The following ZNF710 variants were observed in gnomAD, a reference collection of about 807,000 sequenced individuals.
ZNF710 encodes zinc finger protein 710.
A neutral mutation model predicts 50.6 loss-of-function variants in ZNF710; 13 were observed. The observed-to-expected ratio is 0.26, with a 90% CI of 0.17 to 0.41. ZNF710 has a LOEUF of 0.41. ZNF710 is among the 10% of genes least tolerant of loss of function. The pLI is 1.00. For missense variants in ZNF710, 721 were observed against 936.6 expected (o/e 0.77, Z 3.01); for synonymous variants, 383 against 397.0 (o/e 0.96, Z 0.42).
chr15:90,010,921 GT>G (rs1375688951), intron 1 of ZNF710, among the ~76,000 whole-genome samples: 1 of 122,808 alleles, frequency 8.1e-6, no homozygotes, highest in Non-Finnish European at 1.6e-5. Context: ...ATTGTTGTTG[GT>G]TTTTTGTTTT....
intron 1 of ZNF710, among the ~76,000 whole-genome samples, chr15:90,003,455 T>G (rs77596332): frequency 0.024 from 3,635 of 152,228 alleles, 70 homozygotes; most frequent in Non-Finnish European, 0.034. Flanking sequence ...AGTCCTGCAT[T>G]TGTACACGTG....
At chr15:90,044,998 T>C (rs962844211) in intron 1 of ZNF710, among the ~76,000 whole-genome samples, 8 of 152,158 alleles carry the variant, frequency 5.3e-5, no homozygotes, top group Non-Finnish European at 8.8e-5. Context: ...AGAGTGCCTT[T>C]CTTCTGTTAG....
chr15:90,050,741 G>A (rs549687633), intron 1 of ZNF710, among the ~76,000 whole-genome samples: 49 of 152,180 alleles, frequency 3.2e-4, no homozygotes, highest in African/African-American at 1.2e-3. Context: ...CATTTATATG[G>A]AAGAACATTC....
intron 1 of ZNF710, among the ~76,000 whole-genome samples, chr15:90,030,994 G>A (rs867704165): frequency 5.3e-5 from 7 of 132,162 alleles, no homozygotes; most frequent in African/African-American, 2.1e-4. Flanking sequence ...ACTCCAGCCT[G>A]GGCGACAGAG....
chr15:90,041,179 T>C (rs557911222), intron 1 of ZNF710, among the ~76,000 whole-genome samples: 1 of 152,216 alleles, frequency 6.6e-6, no homozygotes, highest in South Asian at 2.1e-4. Context: ...CCAGTTAAAT[T>C]CTTTTCTTTT....
intron 1 of ZNF710, among the ~76,000 whole-genome samples, chr15:90,043,888 T>C (rs1899377724): frequency 3.3e-5 from 5 of 152,198 alleles, no homozygotes; most frequent in African/African-American, 7.2e-5. Context: ...TTCCCCTTTT[T>C]CTTCTTCTAT....
intron 1 of ZNF710, among the ~76,000 whole-genome samples, chr15:90,037,702 G>A (rs1899170936): frequency 6.6e-6 from 1 of 152,218 alleles, no homozygotes; most frequent in African/African-American, 2.4e-5. Flanking sequence ...AGCATCTTCA[G>A]CACTCATAAG....
intron 1 of ZNF710, chr15:90,045,521 C>A (rs995266521): frequency 3.7e-6 from 2 of 542,474 alleles, no homozygotes; most frequent in Non-Finnish European, 4.7e-6. Context: ...AAGGCCTGAG[C>A]CCAGGGGCCG....
intron 1 of ZNF710, among the ~76,000 whole-genome samples, chr15:90,019,446 T>G (rs894529228): frequency 6.6e-6 from 1 of 152,180 alleles, no homozygotes; most frequent in Non-Finnish European, 1.5e-5. Flanking sequence ...CAGAAGAGAA[T>G]CACTGGGCCA....
chr15:90,008,427 T>TATACAC (rs1898196497), intron 1 of ZNF710, among the ~76,000 whole-genome samples: 4 of 135,084 alleles, frequency 3.0e-5, no homozygotes, highest in Admixed American at 7.0e-5. Context: ...TGTGTGTGTG[T>TATACAC]ATATATATAT....
chr15:90,035,747 C>A (rs1899103732), intron 1 of ZNF710, among the ~76,000 whole-genome samples: 1 of 152,204 alleles, frequency 6.6e-6, no homozygotes, highest in Non-Finnish European at 1.5e-5. Flanking sequence ...CCTGCACCCG[C>A]CTTCTAGCAA....
In ZNF710 at chr15:90,079,858, C is replaced by CG. The variant is rs745979785; in HGVS notation, c.*34dup. 2.6e-6 allele frequency: 4 copies of CG among 1,563,400 alleles called. No homozygotes were observed. The South Asian group carries it at 4.8e-5, about 19-fold the overall frequency. On this transcript the variant is annotated 3_prime_UTR_variant, in exon 5 of 5. Transcript: ENST00000268154. ...AAGCTGGGCCACCCCTAACGGGGGCCGGGGGCGAGGGCATGGGGGTGAGAC... is the reference window on the plus strand; with the variant it reads ...AAGCTGGGCCACCCCTAACGGGGGCCGGGGGGCGAGGGCATGGGGGTGAGAC...
chr15:90,032,599 A>G (rs890510445), intron 1 of ZNF710, among the ~76,000 whole-genome samples: 2 of 151,796 alleles, frequency 1.3e-5, no homozygotes, highest in African/African-American at 4.8e-5. Flanking sequence ...CCAACATGGC[A>G]AAACCCCATC....
In ZNF710 at chr15:90,080,123, C is replaced by T. The variant is rs968571453; in HGVS notation, c.*294C>T. ...TCCGTGGGGAGTGGGAGAAGTGGGG[C>T]CACTGGGGACAGGTCACAAGGGCAC... On this transcript the variant is annotated 3_prime_UTR_variant, in exon 5 of 5. Coordinates refer to ENST00000268154, the MANE Select transcript of ZNF710 (RefSeq NM_198526.4). The T allele has an allele frequency of 3.4e-6, 1 of 296,864 alleles. No individual in the cohort carries two copies. Among genetic ancestry groups the T allele is most frequent in the Non-Finnish European group, 6.2e-6 (1 of 161,860 alleles). 18.4% of individuals were successfully genotyped at this position (296,864 alleles called of 1,614,324 possible).
At chr15:90,045,497 A>G in intron 1 of ZNF710, 1 of 772,746 alleles carries the variant, frequency 1.3e-6, no homozygotes, top group Non-Finnish European at 1.6e-6. Context: ...TCTCTGAGGG[A>G]GTCCACTCAG....
chr15:90,031,037 A>AAG lies in ZNF710; in HGVS notation c.-29+29424_-29+29425insGA, dbSNP rs1264706125. On this transcript the variant is annotated intron_variant, in intron 1 of 4. Transcript: ENST00000268154. Reference sequence around the variant, plus strand: ...CCGTCTCAAAAAAAAAGAAAAAAAAAAAAATGCTTAATGGATTGTTTGGTA... The same window carrying AAG: ...CCGTCTCAAAAAAAAAGAAAAAAAAAAGAAAATGCTTAATGGATTGTTTGGTA... 7.7e-4 allele frequency among the ~76,000 whole-genome samples: 117 copies of AAG among 151,330 alleles called. 4 individuals carry two copies. The highest frequency in any genetic ancestry group is 2.6e-3 in the African/African-American group (109 of 41,152).
intron 1 of ZNF710, among the ~76,000 whole-genome samples, chr15:90,049,933 C>T (rs1252937471): frequency 6.6e-6 from 1 of 152,238 alleles, no homozygotes; most frequent in Non-Finnish European, 1.5e-5. Context: ...CAGGCTTCCA[C>T]CCCTTGCATA....
intron 1 of ZNF710, among the ~76,000 whole-genome samples, chr15:90,043,053 AG>A: frequency 6.6e-6 from 1 of 152,370 alleles, no homozygotes; most frequent in East Asian, 1.9e-4. Context: ...TCTTTGGAGC[AG>A]TCCCTCGAGG....
Position 90,059,999 on chromosome 15 carries a change from C to T in ZNF710, c.-28-7111C>T, listed in dbSNP as rs1899954979. On this transcript the variant is annotated intron_variant, in intron 1 of 4. Transcript: ENST00000268154. The surrounding 1 kb of genome is among the most constrained non-coding windows in gnomAD (Gnocchi z 4.1). ...AGGCCCAGAGCCACATCCTGGAGGG[C>T]TTGAATGCCAGACCCAGGGTCAGGA... is the stretch of plus-strand genomic sequence containing the variant. Among the ~76,000 whole-genome samples the T allele has an allele frequency of 6.6e-6, 1 of 152,166 alleles. No homozygotes were observed. Among genetic ancestry groups the T allele is most frequent in the African/African-American group, 2.4e-5 (1 of 41,444 alleles).
Sources: gnomAD v4.1 joint callset for allele counts (sites outside exome capture counted in the v4.1 genomes callset) on GRCh38, gnomAD v4.1.1 for gene constraint, Gnocchi (gnomAD v3.1) non-coding constraint, MANE v1.5 for transcripts, NCBI Gene and HGNC (gene_info 2026-07-23, HGNC 2026-07-21) for gene names.